Variants in MOB1B observed in about 807,000 individuals in gnomAD.
The protein encoded by MOB1B is MOB1 Mps One Binder homolog B.
Under a neutral mutation model 24.4 loss-of-function variants are expected in MOB1B, and 19 were observed. That is an observed-to-expected ratio of 0.78 (90% confidence interval 0.54 to 1.14). MOB1B has a LOEUF of 1.14. Among genes scored for constraint, MOB1B ranks in the 50% most tolerant of loss-of-function variants. MOB1B has a pLI of 0.00. For synonymous variants in MOB1B, 76 were observed against 82.1 expected, an observed-to-expected ratio of 0.93 and a Z score of 0.40; for missense variants, 243 against 259.6, an observed-to-expected ratio of 0.94 and a Z score of 0.44.
chr4:70,937,277 T>C (rs1262691539), intron 1 of MOB1B, among the ~76,000 whole-genome samples: 1 of 152,004 alleles, frequency 6.6e-6, no homozygotes, highest in Non-Finnish European at 1.5e-5. Context: ...TTCTTTTTTT[T>C]TTCTGAATTA....
chr4:70,904,551 G>A (rs144542887), intron 1 of MOB1B, among the ~76,000 whole-genome samples: 1 of 151,690 alleles, frequency 6.6e-6, no homozygotes, highest in South Asian at 2.1e-4. Context: ...ACCAGGTCAG[G>A]AGTTCGAGAT....
At chr4:70,944,161 A>G (rs1244447539) in intron 1 of MOB1B, among the ~76,000 whole-genome samples, 49 of 152,060 alleles carry the variant, frequency 3.2e-4, no homozygotes, top group Non-Finnish European at 7.4e-5. Flanking sequence ...TAGCCTCCTG[A>G]GTAGCTAGGA....
At chr4:70,916,192 C>T (rs1427939827) in intron 1 of MOB1B, among the ~76,000 whole-genome samples, 3 of 152,196 alleles carry the variant, frequency 2.0e-5, no homozygotes, top group Non-Finnish European at 4.4e-5. Flanking sequence ...GTCAGGTTCT[C>T]ACTTAGGTGA....
chr4:70,910,700 A>C (rs1303348145), intron 1 of MOB1B, among the ~76,000 whole-genome samples: 1 of 152,106 alleles, frequency 6.6e-6, no homozygotes, highest in Non-Finnish European at 1.5e-5. Context: ...TCACAAAATC[A>C]TGTTAGGAAA....
chr4:70,934,290 T>C (rs1736997261), intron 1 of MOB1B, among the ~76,000 whole-genome samples: 1 of 151,702 alleles, frequency 6.6e-6, no homozygotes, highest in Admixed American at 6.6e-5. Context: ...TTCACCATGT[T>C]GGCCAGGTTG....
At chr4:70,933,940 A>G (rs370913729) in intron 1 of MOB1B, among the ~76,000 whole-genome samples, 7 of 152,112 alleles carry the variant, frequency 4.6e-5, no homozygotes, top group African/African-American at 1.7e-4. Context: ...TAATCCCAAC[A>G]CTTTCTGAGG....
chr4:70,912,887 A>G (rs1736051632), intron 1 of MOB1B, among the ~76,000 whole-genome samples: 1 of 152,112 alleles, frequency 6.6e-6, no homozygotes, highest in Non-Finnish European at 1.5e-5. Flanking sequence ...CAGCCTCCTG[A>G]GTAGCTGGGA....
intron 1 of MOB1B, among the ~76,000 whole-genome samples, chr4:70,917,399 C>T (rs1736236439): frequency 6.6e-6 from 1 of 152,164 alleles, no homozygotes; most frequent in Admixed American, 6.5e-5. Flanking sequence ...AAGTTTTAAT[C>T]TCTGAACTTG....
chr4:70,926,686 T>C (rs2148876442), intron 1 of MOB1B, among the ~76,000 whole-genome samples: 1 of 152,028 alleles, frequency 6.6e-6, no homozygotes, highest in East Asian at 1.9e-4. Flanking sequence ...TTGCTGGTGG[T>C]GGGAGGAGAA....
intron 2 of MOB1B, among the ~76,000 whole-genome samples, chr4:70,959,917 C>T (rs191275539): frequency 1.3e-5 from 2 of 152,268 alleles, no homozygotes; most frequent in Admixed American, 1.3e-4. Context: ...GACTCTTGCT[C>T]TGTCGCCCAG....
chr4:70,955,813 A>C (rs1738023403), intron 1 of MOB1B, among the ~76,000 whole-genome samples: 1 of 151,934 alleles, frequency 6.6e-6, no homozygotes, highest in African/African-American at 2.4e-5. Flanking sequence ...GGTTAGAAAG[A>C]GGAAAATGAA....
rs372253364 is a variant in MOB1B at position 70,982,019 on chromosome 4, C to G, written c.613C>G (p.Gln205Glu). 306 of 1,612,644 alleles carry G rather than the reference C, an allele frequency of 1.9e-4. No homozygotes were observed. The highest frequency in any genetic ancestry group is 2.5e-4 in the Non-Finnish European group (294 of 1,179,004). Reference protein sequence around the residue: ...LIDRRELAPLQELIEKLTSKD... With the variant: ...LIDRRELAPLEELIEKLTSKD... ...TGATAGAAGAGAACTTGCACCACTC[C>G]AAGAACTGATTGAAAAACTCACCTC... The change falls in exon 6 of 6, where the codon CAA becomes GAA. Residue 205 changes from glutamine (Q) to glutamate (E), a missense_variant. Gln to Glu is a conservative substitution (Grantham distance 29, BLOSUM62 2). Transcript: ENST00000309395.
At chr4:70,960,455 T>G (rs1294820477) in intron 2 of MOB1B, among the ~76,000 whole-genome samples, 1 of 152,164 alleles carries the variant, frequency 6.6e-6, no homozygotes, top group Non-Finnish European at 1.5e-5. Context: ...ACACAAAATG[T>G]CTAGGCTTTA....
intron 1 of MOB1B, among the ~76,000 whole-genome samples, chr4:70,938,003 G>A (rs1193960861): frequency 1.3e-5 from 2 of 150,496 alleles, no homozygotes; most frequent in South Asian, 2.1e-4. Context: ...TTTTCCTATC[G>A]CTAAAGATTT....
chr4:70,950,225 CAG>C (rs1737746860), intron 1 of MOB1B, among the ~76,000 whole-genome samples: 1 of 151,934 alleles, frequency 6.6e-6, no homozygotes, highest in East Asian at 1.9e-4. Flanking sequence ...CTCCTGAGGT[CAG>C]GAGTTCGAGA....
At position 70,937,295 on chromosome 4, in the gene MOB1B, GTCTTA is replaced by G. The variant is rs950495065; in HGVS notation, c.15-21574_15-21570del. The stretch of plus-strand genomic sequence containing the variant: ...TTTTTTTTTTCTGAATTATTTTAAG[GTCTTA>G]TCTTTGTAACTTTTCCTAAATTCAT... On this transcript the variant is annotated intron_variant, in intron 1 of 5. Coordinates refer to ENST00000309395, the MANE Select transcript of MOB1B (RefSeq NM_173468.4). Among the ~76,000 whole-genome samples the G allele has an allele frequency of 1.4e-4, 21 of 151,602 alleles. No homozygotes were observed. The South Asian group carries it at 4.0e-3, about 29-fold the overall frequency.
chr4:70,980,983 C>T lies in MOB1B; in HGVS notation c.574-997C>T, dbSNP rs1739192289. Among the ~76,000 whole-genome samples, 11 of 152,232 alleles carry T rather than the reference C, an allele frequency of 7.2e-5. No individual in the cohort carries two copies. The South Asian group carries it at 2.3e-3, about 32-fold the overall frequency. On this transcript the variant is annotated intron_variant, in intron 5 of 5. Transcript: ENST00000309395. ...CCTGGGGCTGGCTTTCCTCATGTCA[C>T]TACTTTCCAGTGCAGAATCCTGAGG...
chr4:70,910,793 T>G (rs1442019708), intron 1 of MOB1B, among the ~76,000 whole-genome samples: 1 of 152,064 alleles, frequency 6.6e-6, no homozygotes, highest in Non-Finnish European at 1.5e-5. Flanking sequence ...TGAATCTTTT[T>G]TTTTTTGTTT....
chr4:70,920,702 C>G (rs1736399709), intron 1 of MOB1B, among the ~76,000 whole-genome samples: 1 of 152,082 alleles, frequency 6.6e-6, no homozygotes, highest in Non-Finnish European at 1.5e-5. Flanking sequence ...TCCTAGTGAC[C>G]CTGCTTGACT....
Sources: allele counts gnomAD v4.1 joint callset (sites outside exome capture counted in the v4.1 genomes callset), GRCh38; gene constraint gnomAD v4.1.1; transcripts MANE v1.5; gene names NCBI Gene and HGNC (gene_info 2026-07-23, HGNC 2026-07-21).